PYGO1: variants seen among roughly 807,000 people sequenced by gnomAD.
PYGO1 encodes the protein pygopus homolog 1.
A neutral mutation model predicts 29.5 loss-of-function variants in PYGO1; 6 were observed. The ratio of observed to expected loss-of-function variants is 0.20; its 90% CI spans 0.11 to 0.40. The LOEUF (loss-of-function observed/expected upper bound fraction) is 0.40. Among genes scored for constraint, PYGO1 ranks in the 10% least tolerant of loss-of-function variants. PYGO1 has a pLI of 1.00. For synonymous variants in PYGO1, 186 were observed against 180.5 expected (o/e 1.03, Z -0.24); for missense variants, 515 against 514.9 (o/e 1.00, Z 0.00).
chr15:55,575,734 CA>C (rs2058998565), intron 1 of PYGO1, among the ~76,000 whole-genome samples: 1 of 152,152 alleles, frequency 6.6e-6, no homozygotes, highest in African/African-American at 2.4e-5. Context: ...CCAACACTTG[CA>C]GAAACAGACT....
intron 1 of PYGO1, among the ~76,000 whole-genome samples, chr15:55,549,201 T>A (rs1445765774): frequency 2.0e-5 from 3 of 152,212 alleles, no homozygotes. Flanking sequence ...CCATATTTAT[T>A]ATTCTTTCAG....
At chr15:55,571,856 T>C (rs1350062398) in intron 1 of PYGO1, among the ~76,000 whole-genome samples, 1 of 152,190 alleles carries the variant, frequency 6.6e-6, no homozygotes, top group African/African-American at 2.4e-5. Flanking sequence ...TTTTATGTCA[T>C]ATCTTTACTC....
At chr15:55,581,360 G>A (rs2059024206) in intron 1 of PYGO1, among the ~76,000 whole-genome samples, 2 of 152,310 alleles carry the variant, frequency 1.3e-5, no homozygotes, top group Admixed American at 1.3e-4. Flanking sequence ...ATAAGAAATA[G>A]GGAAAGCACT....
chr15:55,561,656 G>A (rs914423086), intron 1 of PYGO1, among the ~76,000 whole-genome samples: 6 of 152,080 alleles, frequency 3.9e-5, no homozygotes, highest in African/African-American at 1.4e-4. Flanking sequence ...TTTGCACAGG[G>A]ACACAAAGCT....
chr15:55,546,371 C>T lies in PYGO1; in HGVS notation c.912G>A (p.Gln304=). Residue 304 remains glutamine, a synonymous_variant, in exon 3 of 3, where the codon CAG becomes CAA. Coordinates refer to ENST00000563719, the MANE Select transcript of PYGO1 (RefSeq NM_001367806.1). ...ATNNNPANGT[Q]NKPRQPRGAA... ...CACCTCTTGGTTGTCGTGGCTTATT[C>T]TGCGTCCCATTTGCAGGGTTATTGT... is the stretch of plus-strand genomic sequence containing the variant. 1.2e-6 allele frequency: 2 copies of T among 1,614,182 alleles called. No homozygotes were observed. Among genetic ancestry groups the T allele is most frequent in the East Asian group, 4.5e-5 (2 of 44,884 alleles).
At chr15:55,561,265 G>A (rs1398885988) in intron 1 of PYGO1, among the ~76,000 whole-genome samples, 3 of 152,156 alleles carry the variant, frequency 2.0e-5, no homozygotes, top group Non-Finnish European at 2.9e-5. Context: ...AAATGGTGAT[G>A]GTAGAACTGG....
chr15:55,539,092 G>T lies in PYGO1; in HGVS notation c.*6931C>A, dbSNP rs1220953862. ...TGAAAAGAATGGCCAACAATAACAT[G>T]GACTGTCTTGACAGCAGAACGTCTA... On this transcript the variant is annotated 3_prime_UTR_variant, in exon 3 of 3. Coordinates refer to ENST00000563719, the MANE Select transcript of PYGO1 (RefSeq NM_001367806.1). The T allele has an allele frequency of 6.6e-6, 1 of 152,004 alleles. No homozygotes were observed. Among genetic ancestry groups the T allele is most frequent in the African/African-American group, 2.4e-5 (1 of 41,384 alleles). 9.4% of individuals were successfully genotyped at this position (152,004 alleles called of 1,614,324 possible).
At position 55,583,358 on chromosome 15, in the gene PYGO1, G is replaced by A. The variant is rs1466483991; in HGVS notation, c.49+4477C>T. 5.5e-5 allele frequency among the ~76,000 whole-genome samples: 8 copies of A among 145,910 alleles called. No homozygotes were observed. In the East Asian group the frequency reaches 1.6e-3, roughly 29 times the overall value. On this transcript the variant is annotated intron_variant, in intron 1 of 2. Coordinates refer to ENST00000563719, the MANE Select transcript of PYGO1 (RefSeq NM_001367806.1). Reference sequence around the variant, plus strand: ...GGTTCTTCTGTAAATCTACAAATACGTTTAAGTCTTTTTCCAATGAAAAAA... The same window carrying A: ...GGTTCTTCTGTAAATCTACAAATACATTTAAGTCTTTTTCCAATGAAAAAA...
intron 1 of PYGO1, among the ~76,000 whole-genome samples, chr15:55,584,681 G>A (rs1351633799): frequency 6.6e-6 from 1 of 152,090 alleles, no homozygotes; most frequent in Non-Finnish European, 1.5e-5. Context: ...TTTACTATGG[G>A]CAAGGCAAAT....
chr15:55,544,812 C>G lies in PYGO1; in HGVS notation c.*1211G>C, dbSNP rs982622379. The G allele has an allele frequency of 6.6e-6, 1 of 151,580 alleles. No individual in the cohort carries two copies. Among genetic ancestry groups the G allele is most frequent in the African/African-American group, 2.4e-5 (1 of 41,228 alleles). 9.4% of individuals were successfully genotyped at this position (151,580 alleles called of 1,614,324 possible). On this transcript the variant is annotated 3_prime_UTR_variant, in exon 3 of 3. Transcript: ENST00000563719. ...TTTTTTTTTGGCCACAGGTTATAAT[C>G]TGCTCCAAAAATGGATTTCTGCTGT...
intron 2 of PYGO1, among the ~76,000 whole-genome samples, chr15:55,547,858 A>G (rs545606731): frequency 5.3e-5 from 8 of 152,376 alleles, no homozygotes; most frequent in South Asian, 4.1e-4. Flanking sequence ...AAAGGCCTCC[A>G]TCATGATTGC....
At chr15:55,588,544 G>C (rs1296771628), upstream of PYGO1, among the ~76,000 whole-genome samples, 3 of 146,874 alleles carry the variant, frequency 2.0e-5, no homozygotes, top group African/African-American at 7.3e-5. Context: ...CAGCCCCCAC[G>C]GCCCGCGCGC....
At chr15:55,582,731 A>G (rs533996043) in intron 1 of PYGO1, among the ~76,000 whole-genome samples, 2 of 152,292 alleles carry the variant, frequency 1.3e-5, no homozygotes, top group South Asian at 2.1e-4. Context: ...TACTCATTCA[A>G]TGTGTCTAAA....
chr15:55,554,913 G>C (rs1298554363), intron 1 of PYGO1, among the ~76,000 whole-genome samples: 1 of 152,120 alleles, frequency 6.6e-6, no homozygotes. Context: ...GGGGGAGAAT[G>C]GAACCAAGTC....
At chr15:55,575,253 G>A (rs910315955) in intron 1 of PYGO1, among the ~76,000 whole-genome samples, 2 of 152,140 alleles carry the variant, frequency 1.3e-5, no homozygotes. Flanking sequence ...GATTCTGATT[G>A]AGTAGTTCTG....
intron 1 of PYGO1, among the ~76,000 whole-genome samples, chr15:55,551,915 T>C (rs1595982435): frequency 1.3e-5 from 2 of 152,072 alleles, no homozygotes; most frequent in Admixed American, 6.5e-5. Flanking sequence ...TTCCCAGCAA[T>C]AGAAGGTTGA....
chr15:55,548,401 TAC>T (rs893674558), intron 2 of PYGO1, among the ~76,000 whole-genome samples: 1 of 150,606 alleles, frequency 6.6e-6, no homozygotes, highest in African/African-American at 2.4e-5. Flanking sequence ...AGCCACTAGT[TAC>T]AGACTTAAAC....
intron 1 of PYGO1, among the ~76,000 whole-genome samples, chr15:55,569,217 C>A (rs190260715): frequency 6.6e-6 from 1 of 152,088 alleles, no homozygotes; most frequent in East Asian, 1.9e-4. Context: ...GCTATAAATT[C>A]ATTTGATCCT....
At chr15:55,563,982 G>A (rs28836909) in intron 1 of PYGO1, among the ~76,000 whole-genome samples, 4,289 of 152,196 alleles carry the variant, frequency 0.028, 198 homozygotes, top group African/African-American at 0.098. Flanking sequence ...TACAGCCACC[G>A]TGGAAAACAC....
Sources: gnomAD v4.1 joint callset for allele counts (sites outside exome capture counted in the v4.1 genomes callset) on GRCh38, gnomAD v4.1.1 for gene constraint, MANE v1.5 for transcripts, NCBI Gene and HGNC (gene_info 2026-07-23, HGNC 2026-07-21) for gene names.